The following GPR161 variants were observed in gnomAD, a reference collection of about 807,000 sequenced individuals.
GPR161 encodes the protein G-protein coupled receptor RE2.
Under a neutral mutation model 39.2 loss-of-function variants are expected in GPR161, and 25 were observed. That is an observed-to-expected ratio of 0.64 (90% CI 0.47 to 0.89). The LOEUF is 0.89. Among genes scored for constraint, GPR161 ranks in the 40% least tolerant of loss-of-function variants. GPR161 has a pLI of 0.00. For synonymous variants in GPR161, 286 were observed against 276.6 expected (o/e 1.03, Z -0.34); for missense variants, 547 against 677.8 (o/e 0.81, Z 2.14).
At chr1:168,092,775 C>A (rs534736995) in intron 3 of GPR161, among the ~76,000 whole-genome samples, 8 of 152,316 alleles carry the variant, frequency 5.3e-5, no homozygotes, top group South Asian at 2.1e-4. Context: ...GGTCACCCTC[C>A]CCGCCCTCAA....
intron 1 of GPR161, among the ~76,000 whole-genome samples, chr1:168,133,213 C>T (rs1330265113): frequency 6.6e-6 from 1 of 152,226 alleles, no homozygotes; most frequent in Non-Finnish European, 1.5e-5. Context: ...TTCCAATTCA[C>T]TACTTATTCT....
intron 2 of GPR161, among the ~76,000 whole-genome samples, chr1:168,104,113 G>A (rs1000133741): frequency 3.9e-5 from 6 of 152,312 alleles, no homozygotes; most frequent in African/African-American, 1.4e-4. Context: ...GCAAGACAGA[G>A]CAGGGGTCAC....
rs763343811 is a variant in GPR161, at chr1:168,085,732, T to C, written c.1389A>G (p.Ala463=). The C allele has an allele frequency of 6.2e-5, 100 of 1,614,118 alleles. No individual in the cohort carries two copies. The highest frequency in any genetic ancestry group is 8.2e-5 in the Non-Finnish European group (97 of 1,180,020). The change falls in exon 6 of 6, where the codon GCA becomes GCG. Residue 463 remains alanine, a synonymous_variant. Coordinates refer to ENST00000682931, the MANE Select transcript of GPR161 (RefSeq NM_001375883.1). ...CCTCAATGGCTTTGGCCAAGCTTGC[T>C]GCGTAACTGTCCAAGGACTTGTGTA... ...AEVHKSLDSY[A]ASLAKAIEAE... is the part of the protein sequence containing the mutation.
intron 1 of GPR161, among the ~76,000 whole-genome samples, chr1:168,117,549 T>C (rs1368878805): frequency 2.0e-5 from 3 of 151,958 alleles, no homozygotes; most frequent in African/African-American, 7.3e-5. Flanking sequence ...ATAATAGGAG[T>C]ATCTACCTCA....
At chr1:168,119,212 A>G (rs1235822906) in intron 1 of GPR161, among the ~76,000 whole-genome samples, 2 of 120,120 alleles carry the variant, frequency 1.7e-5, no homozygotes, top group Admixed American at 8.2e-5. Flanking sequence ...ATATATATGT[A>G]TACATATATA....
chr1:168,118,099 C>G (rs1389496241), intron 1 of GPR161, among the ~76,000 whole-genome samples: 1 of 152,032 alleles, frequency 6.6e-6, no homozygotes, highest in African/African-American at 2.4e-5. Context: ...TAGTTGACAC[C>G]AAAGGCACAA....
intron 1 of GPR161, among the ~76,000 whole-genome samples, chr1:168,124,363 C>G (rs1224544837): frequency 6.6e-6 from 1 of 152,126 alleles, no homozygotes; most frequent in Non-Finnish European, 1.5e-5. Flanking sequence ...TTAATTCCAC[C>G]TTAAACTACC....
At position 168,096,552 on chromosome 1, in the gene GPR161, C is replaced by T. The variant is rs746930779; in HGVS notation, c.1055G>A (p.Arg352Gln). ...DRYYREPFVQ[R>Q]QRTSRLFSIS... ...GCTGAAGAGCCTGGAAGTCCTCTGT[C>T]GTTGCACAAATGGTTCCCGATAATA... The change falls in exon 3 of 6, where the codon CGA (arginine) becomes CAA (glutamine). Residue 352 changes from arginine to glutamine, a missense_variant. Coordinates refer to ENST00000682931, the MANE Select transcript of GPR161 (RefSeq NM_001375883.1). The T allele has an allele frequency of 1.3e-5, 21 of 1,614,036 alleles. No individual in the cohort carries two copies. Among genetic ancestry groups the T allele is most frequent in the South Asian group, 9.9e-5 (9 of 91,070 alleles).
chr1:168,136,101 C>G, intron 1 of GPR161: 1 of 1,262,956 alleles, frequency 7.9e-7, no homozygotes, highest in Non-Finnish European at 1.0e-6. Context: ...GTCGAGTTCT[C>G]CCCTTTCCAA....
intron 4 of GPR161, chr1:168,089,348 T>A (rs1365738371): frequency 1.3e-5 from 2 of 152,312 alleles, no homozygotes; most frequent in East Asian, 3.9e-4. Flanking sequence ...GCTTCATATA[T>A]GACTCCGTGT....
intron 1 of GPR161, among the ~76,000 whole-genome samples, chr1:168,124,678 G>T (rs1446701490): frequency 2.0e-5 from 3 of 152,168 alleles, no homozygotes; most frequent in Non-Finnish European, 4.4e-5. Context: ...TCATTTATAT[G>T]GTTTGGATAT....
At chr1:168,126,018 T>C (rs1698562357) in intron 1 of GPR161, among the ~76,000 whole-genome samples, 1 of 152,182 alleles carries the variant, frequency 6.6e-6, no homozygotes. Flanking sequence ...CAACCAAATA[T>C]ACCCCCAGCT....
upstream of GPR161, chr1:168,136,961 C>G (rs1699431836): frequency 7.4e-6 from 7 of 940,878 alleles, no homozygotes; most frequent in Middle Eastern, 5.4e-4. Flanking sequence ...CCGCCCCGCC[C>G]CCCCCACGCC....
At chr1:168,108,571 AAT>A (rs1191522170) in intron 1 of GPR161, among the ~76,000 whole-genome samples, 4 of 150,554 alleles carry the variant, frequency 2.7e-5, no homozygotes, top group Admixed American at 6.6e-5. Flanking sequence ...AATATATATA[AAT>A]ATGTTTATTT....
rs1046276112 is a variant in GPR161, at chr1:168,084,737, T to C, written c.*794A>G. Reference sequence around the variant, plus strand: ...TGCTTGGCACTACAGTCCCATTCAGTCCGGTAAAACAGTGGTACGTCTTAA... The same window carrying C: ...TGCTTGGCACTACAGTCCCATTCAGCCCGGTAAAACAGTGGTACGTCTTAA... On this transcript the variant is annotated 3_prime_UTR_variant, in exon 6 of 6. Coordinates refer to ENST00000682931, the MANE Select transcript of GPR161 (RefSeq NM_001375883.1). 1.6e-5 allele frequency: 7 copies of C among 439,706 alleles called. No individual in the cohort carries two copies. The highest frequency in any genetic ancestry group is 1.2e-4 in the African/African-American group (6 of 49,104). The allele number at this position is 439,706 out of a possible 1,614,324, so 27.2% of individuals were successfully genotyped here.
At chr1:168,086,912 A>G (rs1694561739) in intron 5 of GPR161, among the ~76,000 whole-genome samples, 1 of 152,148 alleles carries the variant, frequency 6.6e-6, no homozygotes, top group African/African-American at 2.4e-5. Flanking sequence ...TTATTTCCAT[A>G]TTCAACATTT....
Position 168,081,955 on chromosome 1 carries a change from T to C in GPR161, c.*3576A>G, listed in dbSNP as rs949473175. 6.6e-6 allele frequency: 1 copy of C among 152,218 alleles called. No homozygotes were observed. Among genetic ancestry groups the C allele is most frequent in the Non-Finnish European group, 1.5e-5 (1 of 68,040 alleles). The allele number at this position is 152,218 out of a possible 1,614,324, so 9.4% of individuals were successfully genotyped here. On this transcript the variant is annotated 3_prime_UTR_variant, in exon 6 of 6. Transcript: ENST00000682931. Reference sequence around the variant, plus strand: ...GTATCTTGTGGTCCATCCAGAGACATGTCTAATCTGCAAGTATCTAAGAGG... The same window carrying C: ...GTATCTTGTGGTCCATCCAGAGACACGTCTAATCTGCAAGTATCTAAGAGG...
chr1:168,087,530 A>C (rs1053953743), intron 5 of GPR161, 55 bp downstream of exon 5: 2 of 1,603,410 alleles, frequency 1.2e-6, no homozygotes, highest in Non-Finnish European at 1.7e-6. Context: ...GAATTGTCCT[A>C]AGATCCTTTC....
At chr1:168,121,145 A>G (rs1698129632) in intron 1 of GPR161, among the ~76,000 whole-genome samples, 2 of 152,120 alleles carry the variant, frequency 1.3e-5, no homozygotes, top group South Asian at 4.1e-4. Context: ...CTAACCTCCT[A>G]CTGTAGCAGA....
Sources: allele counts gnomAD v4.1 joint callset (sites outside exome capture counted in the v4.1 genomes callset), GRCh38; gene constraint gnomAD v4.1.1; transcripts MANE v1.5; gene names NCBI Gene and HGNC (gene_info 2026-07-23, HGNC 2026-07-21).